EDNRB: variants seen among roughly 807,000 people sequenced by gnomAD.
EDNRB encodes the protein Hirschsprung disease 2.
In EDNRB, 18 loss-of-function variants were observed where a neutral mutation model predicts 46.4. The ratio of observed to expected loss-of-function variants is 0.39; its 90% CI spans 0.27 to 0.57. EDNRB has a LOEUF of 0.57. Among genes scored for constraint, EDNRB ranks in the 20% least tolerant of loss-of-function variants. The probability of loss-of-function intolerance (pLI) is 0.61; values close to 1 mark genes in which losing one functional copy is unlikely to be tolerated. For synonymous variants in EDNRB, 213 were observed against 204.9 expected (o/e 1.04, Z -0.34); for missense variants, 434 against 537.5 (o/e 0.81, Z 1.90).
At chr13:77,932,427 C>G (rs1052353065) in intron 1 of EDNRB, among the ~76,000 whole-genome samples, 1 of 152,192 alleles carries the variant, frequency 6.6e-6, no homozygotes, top group Non-Finnish European at 1.5e-5. Context: ...ATTGAGATCT[C>G]AATGATGTGT....
upstream of EDNRB, among the ~76,000 whole-genome samples, chr13:77,921,017 C>G: frequency 6.6e-6 from 1 of 152,094 alleles, no homozygotes; most frequent in Non-Finnish European, 1.5e-5. Flanking sequence ...CTGCTCTAAT[C>G]CTCACTGAGG....
chr13:77,941,656 C>A (rs550144850), intron 1 of EDNRB, among the ~76,000 whole-genome samples: 1 of 151,256 alleles, frequency 6.6e-6, no homozygotes, highest in African/African-American at 2.4e-5. Context: ...TGGAACAGAA[C>A]GATGGTTTAA....
intron 1 of EDNRB, among the ~76,000 whole-genome samples, chr13:77,925,893 C>T (rs1343017402): frequency 6.6e-6 from 1 of 152,208 alleles, no homozygotes; most frequent in Non-Finnish European, 1.5e-5. Flanking sequence ...GAGGCTGTAC[C>T]CTGCAAAGCC....
chr13:77,962,660 T>C (rs1881459877), intron 1 of EDNRB, among the ~76,000 whole-genome samples: 1 of 152,168 alleles, frequency 6.6e-6, no homozygotes, highest in African/African-American at 2.4e-5. Context: ...TCACAGCCAG[T>C]ATCATACTGA....
intron 5 of EDNRB, 130 bp downstream of exon 5, chr13:77,900,391 A>T (rs1878898302): frequency 7.7e-7 from 1 of 1,298,220 alleles, no homozygotes. Context: ...TCAGATAAAA[A>T]TTGGGAGTCT....
upstream of EDNRB, among the ~76,000 whole-genome samples, chr13:77,924,715 A>G (rs1045513946): frequency 2.6e-5 from 4 of 152,118 alleles, no homozygotes; most frequent in East Asian, 1.9e-4. Flanking sequence ...CTCAAATCTC[A>G]TCTCCCATAA....
chr13:77,938,885 G>T (rs1566328090), intron 1 of EDNRB, among the ~76,000 whole-genome samples: 1 of 152,192 alleles, frequency 6.6e-6, no homozygotes, highest in Non-Finnish European at 1.5e-5. Flanking sequence ...AGGACCCGAG[G>T]TCATAGGTGG....
At chr13:77,898,976 A>C (rs1878784016) in intron 6 of EDNRB, among the ~76,000 whole-genome samples, 1 of 151,968 alleles carries the variant, frequency 6.6e-6, no homozygotes, top group Non-Finnish European at 1.5e-5. Context: ...GTACAAAAGC[A>C]TCTCAGTTTT....
intron 1 of EDNRB, among the ~76,000 whole-genome samples, chr13:77,940,221 G>A (rs1399108139): frequency 6.6e-6 from 1 of 152,040 alleles, no homozygotes; most frequent in Non-Finnish European, 1.5e-5. Context: ...AATGACATAT[G>A]AGCTTCACTA....
chr13:77,929,746 G>A (rs578122458), intron 1 of EDNRB, among the ~76,000 whole-genome samples: 40 of 152,276 alleles, frequency 2.6e-4, no homozygotes, highest in Admixed American at 9.2e-4. Context: ...ATGGACTTCA[G>A]GAACGCTGAC....
At chr13:77,964,660 G>A (rs1343144187) in intron 1 of EDNRB, among the ~76,000 whole-genome samples, 6 of 152,186 alleles carry the variant, frequency 3.9e-5, no homozygotes, top group Non-Finnish European at 7.3e-5. Flanking sequence ...GATAGCATTA[G>A]GAGATATACC....
chr13:77,943,285 C>T (rs1161759974), intron 1 of EDNRB, among the ~76,000 whole-genome samples: 3 of 152,064 alleles, frequency 2.0e-5, no homozygotes, highest in East Asian at 1.9e-4. Context: ...TAAATGCTCA[C>T]GTAGAGTCTC....
chr13:77,919,075 G>T, upstream of EDNRB: 1 of 495,234 alleles, frequency 2.0e-6, no homozygotes, highest in Non-Finnish European at 3.2e-6. Context: ...CCCCGCGATT[G>T]AACTCGAAAG....
chr13:77,943,036 C>A lies in EDNRB; in HGVS notation c.-51-24412G>T, dbSNP rs552097875. ...GCCTGCCATTTAAGGCAATATCAGT[C>A]TAAAATAGAAATCAATTCCTGACTT... On this transcript the variant is annotated intron_variant, in intron 1 of 7. Coordinates refer to the EDNRB transcript ENST00000646948. 1.8e-4 allele frequency among the ~76,000 whole-genome samples: 27 copies of A among 152,176 alleles called. 1 individual carries two copies. The highest frequency in any genetic ancestry group is 6.3e-4 in the African/African-American group (26 of 41,548).
At position 77,896,740 on chromosome 13, in the gene EDNRB, C is replaced by G. The variant is rs1878649864; in HGVS notation, c.*1460G>C. The G allele has an allele frequency of 2.9e-6, 4 of 1,382,120 alleles. No individual in the cohort carries two copies. The Admixed American group carries it at 1.3e-4, about 44-fold the overall frequency. The allele number at this position is 1,382,120 out of a possible 1,614,324, so 85.6% of individuals were successfully genotyped here. On this transcript the variant is annotated 3_prime_UTR_variant, in exon 7 of 7. Transcript: ENST00000646607. ...CGAACGTTAGGCTAAGAATGGGAATCTGTCCCCATGGGTTTCCTCCAACCC... is the reference window on the plus strand; with the variant it reads ...CGAACGTTAGGCTAAGAATGGGAATGTGTCCCCATGGGTTTCCTCCAACCC...
At chr13:77,900,359 C>G (rs1435858810) in intron 5 of EDNRB, among the ~76,000 whole-genome samples, 162 bp downstream of exon 5, 1 of 151,910 alleles carries the variant, frequency 6.6e-6, no homozygotes, top group Non-Finnish European at 1.5e-5. Flanking sequence ...ACCCCCCCTT[C>G]CCTGTCCCTC....
intron 1 of EDNRB, among the ~76,000 whole-genome samples, chr13:77,927,849 A>C (rs1328981239): frequency 1.3e-5 from 2 of 152,178 alleles, no homozygotes; most frequent in Non-Finnish European, 2.9e-5. Context: ...TCCCATGTGC[A>C]TGAGAGGGAC....
At chr13:77,971,472 G>C (rs1881727821) in intron 1 of EDNRB, among the ~76,000 whole-genome samples, 1 of 152,126 alleles carries the variant, frequency 6.6e-6, no homozygotes, top group South Asian at 2.1e-4. Flanking sequence ...CCTTGGCCAA[G>C]GCCCCACAGA....
chr13:77,919,649 C>G (rs760796979), upstream of EDNRB: 1 of 1,554,348 alleles, frequency 6.4e-7, no homozygotes, highest in South Asian at 1.2e-5. Context: ...CCAGACTCCT[C>G]CCGCGCCTTC....
Sources: gnomAD v4.1 joint callset for allele counts (sites outside exome capture counted in the v4.1 genomes callset) on GRCh38, gnomAD v4.1.1 for gene constraint, MANE v1.5 for transcripts, NCBI Gene and HGNC (gene_info 2026-07-23, HGNC 2026-07-21) for gene names.